The following TUBGCP5 variants were observed in gnomAD, a reference collection of about 807,000 sequenced individuals.
TUBGCP5 encodes gamma-tubulin complex component 5.
Under a neutral mutation model 134.7 loss-of-function variants are expected in TUBGCP5, and 98 were observed. The observed-to-expected ratio is 0.73, with a 90% CI of 0.62 to 0.86. The LOEUF (loss-of-function observed/expected upper bound fraction) is 0.86. Among genes scored for constraint, TUBGCP5 ranks in the 40% least tolerant of loss-of-function variants. TUBGCP5 has a pLI of 0.00. For missense variants in TUBGCP5, 1,150 were observed against 1,244.8 expected, an observed-to-expected ratio of 0.92 and a Z score of 1.15; for synonymous variants, 456 against 431.4, an observed-to-expected ratio of 1.06 and a Z score of -0.71.
rs764038748 is a variant in TUBGCP5 at position 23,031,014 on chromosome 15, A to G, written c.493T>C (p.Ser165Pro). Residue 165 changes from serine to proline, a missense_variant, in exon 6 of 23, where the codon TCT (serine) becomes CCT (proline). By Grantham distance (74) the Ser-to-Pro change is moderately conservative. Around this residue, in one of 2 missense-constraint regions of TUBGCP5, gnomAD observed 453 missense variants for 394.7 expected, o/e 1.15. Transcript: ENST00000615383. ...TCATTTTCCTCTTCACTTTCTTCAG[A>G]CCAATTCTGATTTAAAAAAGAGATA... ...IGPYMDTPNW[S>P]EESEEENDQQ... is the part of the protein sequence containing the mutation. 1.2e-6 allele frequency: 2 copies of G among 1,609,598 alleles called. No homozygotes were observed. The highest frequency in any genetic ancestry group is 1.1e-5 in the South Asian group (1 of 90,546).
chr15:23,001,904 TATC>T (rs1253023422), intron 21 of TUBGCP5, among the ~76,000 whole-genome samples: 8 of 152,132 alleles, frequency 5.3e-5, no homozygotes, highest in African/African-American at 1.4e-4. Flanking sequence ...TGCTCAAAAA[TATC>T]ATCTAATAGC....
At position 23,016,969 on chromosome 15, in the gene TUBGCP5, G is replaced by GATATGTATATAT. The variant is rs1555439436; in HGVS notation, c.1756+803_1756+804insATATATACATAT. ...AGATGAATGGGTAAAAAAATTGTGAGATATATATATATATATATGTATATA... is the reference window on the plus strand; with the variant it reads ...AGATGAATGGGTAAAAAAATTGTGAGATATGTATATATATATATATATATATATATGTATATA... On this transcript the variant is annotated intron_variant, in intron 13 of 22. Coordinates refer to ENST00000615383, the MANE Select transcript of TUBGCP5 (RefSeq NM_052903.6). 1.8e-4 allele frequency among the ~76,000 whole-genome samples: 20 copies of GATATGTATATAT among 109,426 alleles called. 1 individual carries two copies. Among genetic ancestry groups the GATATGTATATAT allele is most frequent in the African/African-American group, 6.8e-4 (19 of 27,808 alleles). The allele number at this position is 109,426 out of a possible 152,430, so 71.8% of individuals were successfully genotyped here. A position where few individuals can be genotyped will look rare whatever the true frequency, so the allele number is the denominator to read the frequency against.
chr15:23,036,847 G>A (rs754266782), intron 3 of TUBGCP5, 50 bp downstream of exon 3: 1 of 1,209,146 alleles, frequency 8.3e-7, no homozygotes, highest in East Asian at 2.3e-5. Context: ...ACGATAATCA[G>A]ATAGGAAACA....
intron 10 of TUBGCP5, 64 bp downstream of exon 10, chr15:23,023,883 C>A (rs908160520): frequency 1.3e-6 from 2 of 1,523,300 alleles, no homozygotes; most frequent in Non-Finnish European, 1.8e-6. Flanking sequence ...ATAATAAAAA[C>A]TCTAAGTGGC....
rs780756319 is a variant in TUBGCP5 at position 22,999,664 on chromosome 15, G to A, written c.*156C>T. 38 of 759,886 alleles carry A rather than the reference G, an allele frequency of 5.0e-5. No homozygotes were observed. Among genetic ancestry groups the A allele is most frequent in the Non-Finnish European group, 6.6e-5 (31 of 466,834 alleles). The allele number at this position is 759,886 out of a possible 1,614,324, so 47.1% of individuals were successfully genotyped here. On this transcript the variant is annotated 3_prime_UTR_variant, in exon 23 of 23. Transcript: ENST00000615383. ...GATCTGCCTGTCTTGGCCTCCCATC[G>A]TGCTGGGATTAGAGGCATGAGCGAC...
rs571906886 is a variant in TUBGCP5, at chr15:23,027,281, C to T, written c.648G>A (p.Leu216=). Residue 216 remains leucine, a synonymous_variant, in exon 7 of 23, where the codon CTG becomes CTA. Transcript: ENST00000615383. ...AGTACTGATGGACCACATGATGTTC[C>T]AGCCAGCTTCGGTCATCTGGCTCAT... ...WKDEPDDRSW[L]EHHVVHQYWT... 1.6e-5 allele frequency: 26 copies of T among 1,613,888 alleles called. No individual in the cohort carries two copies. In the South Asian group the frequency reaches 2.4e-4, roughly 15 times the overall value.
chr15:23,008,393 A>T, intron 16 of TUBGCP5: 1 of 349,788 alleles, frequency 2.9e-6, no homozygotes, highest in South Asian at 2.4e-5. Context: ...CAGCCTCCCA[A>T]ATAGCCAGGA....
At chr15:23,004,421 C>T (rs2064580571) in intron 19 of TUBGCP5, 194 bp from the exon 20 acceptor site, 7 of 600,208 alleles carry the variant, frequency 1.2e-5, no homozygotes, top group East Asian at 3.4e-5. Context: ...AAGAGGACGG[C>T]GGGGGCAATC....
At chr15:23,016,379 A>G (rs1422390629) in intron 13 of TUBGCP5, among the ~76,000 whole-genome samples, 6 of 152,024 alleles carry the variant, frequency 3.9e-5, no homozygotes, top group Admixed American at 3.3e-4. Flanking sequence ...CTATAATCCC[A>G]GCTGCTCAGG....
rs574203342 is a variant in TUBGCP5 at position 23,039,524 on chromosome 15, G to C, written c.20C>G (p.Pro7Arg). ...CTGCTGCGCGTCCAACCGACTCCAC[G>C]GTGGCCCGTGCCGCGCCATGTTCCG... MARHGP[P>R]WSRLDAQQER... The change falls in exon 1 of 23, where the codon CCG becomes CGG. Residue 7 changes from proline to arginine, a missense_variant. By Grantham distance (103) the Pro-to-Arg change is moderately radical. Around this residue, in one of 2 missense-constraint regions of TUBGCP5, gnomAD observed 453 missense variants for 394.7 expected, o/e 1.15. Transcript: ENST00000615383. 1.1e-5 allele frequency: 17 copies of C among 1,489,586 alleles called. No homozygotes were observed. Among genetic ancestry groups the C allele is most frequent in the Admixed American group, 6.2e-5 (3 of 48,728 alleles). 92.3% of individuals were successfully genotyped at this position (1,489,586 alleles called of 1,614,324 possible).
In TUBGCP5 at chr15:23,026,150, C is replaced by A. The variant is rs753009262; in HGVS notation, c.793G>T (p.Val265Phe). ...TCCCGAATAACCTGAGTCTCAGTAA[C>A]CAAAACCCTGTCATCTGGAACATAC... ...PLYVPDDRVL[V>F]TETQVIRETL... The change falls in exon 8 of 23, where the codon GTT becomes TTT. Residue 265 changes from valine (V) to phenylalanine (F), a missense_variant. By Grantham distance (50) the Val-to-Phe change is conservative. Coordinates refer to ENST00000615383, the MANE Select transcript of TUBGCP5 (RefSeq NM_052903.6). 1.9e-5 allele frequency: 31 copies of A among 1,610,570 alleles called. No homozygotes were observed. In the Admixed American group the frequency reaches 4.9e-4, roughly 26 times the overall value.
At chr15:23,001,428 T>C (rs908236743) in intron 21 of TUBGCP5, among the ~76,000 whole-genome samples, 2 of 150,590 alleles carry the variant, frequency 1.3e-5, no homozygotes, top group African/African-American at 4.9e-5. Flanking sequence ...CACCACAACC[T>C]CTGCCTCCTG....
In TUBGCP5 at chr15:23,031,033, A is replaced by C. The variant is rs770353155; in HGVS notation, c.487-13T>G. 1.1e-5 allele frequency: 18 copies of C among 1,605,060 alleles called. 1 individual carries two copies. Among genetic ancestry groups the C allele is most frequent in the Non-Finnish European group, 1.5e-5 (18 of 1,177,544 alleles). Reference sequence around the variant, plus strand: ...CTTCAGACCAATTCTGATTTAAAAAAGAGATACACTTTAGCTTTACAGAGT... The same window carrying C: ...CTTCAGACCAATTCTGATTTAAAAACGAGATACACTTTAGCTTTACAGAGT... On this transcript the variant is annotated splice_polypyrimidine_tract_variant and intron_variant, in intron 5 of 22. Coordinates refer to ENST00000615383, the MANE Select transcript of TUBGCP5 (RefSeq NM_052903.6).
intron 19 of TUBGCP5, 117 bp from the exon 20 acceptor site, chr15:23,004,344 A>C: frequency 8.4e-7 from 1 of 1,196,780 alleles, no homozygotes; most frequent in Non-Finnish European, 1.2e-6. Context: ...TTCAATAAGC[A>C]CATCTAGACA....
intron 23 of TUBGCP5, among the ~76,000 whole-genome samples, chr15:22,990,077 C>G (rs2063801482): frequency 6.6e-6 from 1 of 152,178 alleles, no homozygotes; most frequent in Non-Finnish European, 1.5e-5. Flanking sequence ...TTCCCTGCAC[C>G]TTTGACTAAT....
chr15:23,009,749 T>G (rs1268959358), intron 15 of TUBGCP5, among the ~76,000 whole-genome samples, 196 bp downstream of exon 15: 2 of 152,190 alleles, frequency 1.3e-5, no homozygotes, highest in Non-Finnish European at 2.9e-5. Context: ...TTGGGAAAGA[T>G]TCTCAGAAAT....
At chr15:23,016,770 G>A (rs938606513) in intron 13 of TUBGCP5, among the ~76,000 whole-genome samples, 1 of 151,580 alleles carries the variant, frequency 6.6e-6, no homozygotes, top group Admixed American at 6.6e-5. Flanking sequence ...AGAACAGTTT[G>A]GCGGTTCCTC....
At chr15:22,990,538 C>T (rs879861668) in intron 23 of TUBGCP5, among the ~76,000 whole-genome samples, 1 of 152,152 alleles carries the variant, frequency 6.6e-6, no homozygotes, top group Non-Finnish European at 1.5e-5. Flanking sequence ...CAGCTCTCCC[C>T]GAGCAGGAAA....
In TUBGCP5 at chr15:23,027,337, TA is replaced by T. The variant is rs764175388; in HGVS notation, c.623-32del. The T allele has an allele frequency of 3.0e-4, 478 of 1,572,636 alleles. 1 individual carries two copies. The highest frequency in any genetic ancestry group is 4.0e-4 in the Non-Finnish European group (462 of 1,143,482). On this transcript the variant is annotated intron_variant, in intron 6 of 22. Transcript: ENST00000615383. ...TGAAAGAAATGTAATCAGTTTGAGT[TA>T]ACAACAACAAAATACTGGGTCACAA... is the stretch of plus-strand genomic sequence containing the variant.
Sources: allele counts gnomAD v4.1 joint callset (sites outside exome capture counted in the v4.1 genomes callset), GRCh38; gene constraint gnomAD v4.1.1; regional missense constraint gnomAD v4.1.1; transcripts MANE v1.5; gene names NCBI Gene and HGNC (gene_info 2026-07-23, HGNC 2026-07-21).